The following ERC2 variants were observed in gnomAD, a reference collection of about 807,000 sequenced individuals.
ERC2 encodes ELKS/RAB6-interacting/CAST family member 2, also known as ERC protein 2.
Under a neutral mutation model 114.8 loss-of-function variants are expected in ERC2, and 42 were observed. The ratio of observed to expected loss-of-function variants is 0.37; its 90% CI spans 0.29 to 0.47. The LOEUF (loss-of-function observed/expected upper bound fraction) is 0.47, where lower values mean the gene tolerates loss of function less well. Ranked by LOEUF, ERC2 falls within the 20% of genes least tolerant of loss-of-function variation. ERC2 has a pLI of 0.99. For missense variants in ERC2, 939 were observed against 1,150.7 expected, an observed-to-expected ratio of 0.82 and a Z score of 2.66; for synonymous variants, 454 against 425.5, an observed-to-expected ratio of 1.07 and a Z score of -0.82.
intron 17 of ERC2, among the ~76,000 whole-genome samples, chr3:55,606,437 G>A (rs1019559458): frequency 1.3e-5 from 2 of 149,466 alleles, no homozygotes; most frequent in African/African-American, 5.0e-5. Flanking sequence ...ATAGGCCTTG[G>A]AAAGCAAATA....
chr3:56,380,017 G>A (rs927298625), intron 2 of ERC2, among the ~76,000 whole-genome samples: 2 of 152,112 alleles, frequency 1.3e-5, no homozygotes, highest in Admixed American at 6.5e-5. Flanking sequence ...ATTGCAGGAT[G>A]TTGAACAGCA....
intron 3 of ERC2, among the ~76,000 whole-genome samples, chr3:56,241,038 A>C (rs2051288294): frequency 6.6e-6 from 1 of 152,038 alleles, no homozygotes; most frequent in Non-Finnish European, 1.5e-5. Flanking sequence ...ACATATACCC[A>C]TTGTTTAGCT....
Position 56,130,987 on chromosome 3 carries a change from A to G in ERC2, c.1473+8522T>C, listed in dbSNP as rs539186156. ...TAAAAAGAGAATCAAAACAAAGCCTACAGACATTAGGGGAGGGGAAAGTGT... is the reference window on the plus strand; with the variant it reads ...TAAAAAGAGAATCAAAACAAAGCCTGCAGACATTAGGGGAGGGGAAAGTGT... On this transcript the variant is annotated intron_variant, in intron 6 of 17. Coordinates refer to ENST00000288221, the MANE Select transcript of ERC2 (RefSeq NM_015576.3). Among the ~76,000 whole-genome samples the G allele has an allele frequency of 2.0e-5, 3 of 152,290 alleles. No individual in the cohort carries two copies. The South Asian group carries it at 6.2e-4, about 32-fold the overall frequency.
chr3:55,953,368 G>A (rs1486640314), intron 12 of ERC2, among the ~76,000 whole-genome samples: 1 of 152,098 alleles, frequency 6.6e-6, no homozygotes, highest in African/African-American at 2.4e-5. Context: ...TTAGGATTTG[G>A]GCCAATTAGA....
intron 8 of ERC2, among the ~76,000 whole-genome samples, chr3:56,011,970 A>G (rs2072976741): frequency 6.6e-6 from 1 of 152,194 alleles, no homozygotes; most frequent in Non-Finnish European, 1.5e-5. Flanking sequence ...CGGAGGAGGT[A>G]CCATTACTAT....
chr3:56,450,677 A>C (rs1378775866), intron 1 of ERC2, among the ~76,000 whole-genome samples: 1 of 152,076 alleles, frequency 6.6e-6, no homozygotes, highest in African/African-American at 2.4e-5. Context: ...AAATTCAAAA[A>C]TAAATTAGTC....
intron 2 of ERC2, among the ~76,000 whole-genome samples, chr3:56,387,137 T>C (rs2059961402): frequency 6.6e-6 from 1 of 152,234 alleles, no homozygotes; most frequent in African/African-American, 2.4e-5. Context: ...TGTATTAAAC[T>C]ATGTTCAAAT....
intron 6 of ERC2, among the ~76,000 whole-genome samples, chr3:56,107,442 G>C (rs1242930236): frequency 6.6e-6 from 1 of 151,942 alleles, no homozygotes; most frequent in Non-Finnish European, 1.5e-5. Context: ...CCCAGTCTCA[G>C]TTTTCCCAGG....
rs749739992 is a variant in ERC2 at position 55,734,798 on chromosome 3, G to A, written c.2685C>T (p.Asp895=). The A allele has an allele frequency of 1.2e-6, 2 of 1,612,982 alleles. No homozygotes were observed. Among genetic ancestry groups the A allele is most frequent in the Non-Finnish European group, 1.7e-6 (2 of 1,179,436 alleles). The change falls in exon 15 of 18, where the codon GAC becomes GAT. Residue 895 remains aspartate (D), a synonymous_variant. Coordinates refer to ENST00000288221, the MANE Select transcript of ERC2 (RefSeq NM_015576.3). ...EEVMALKREK[D]RLVHQLKQQT... ...GCTGCTTTAATTGATGTACTAGTCG[G>A]TCTTTTTCCCGCTTGAGGGCCATGA... is the stretch of plus-strand genomic sequence containing the variant.
At chr3:55,601,366 C>A (rs189964606) in intron 17 of ERC2, among the ~76,000 whole-genome samples, 1 of 152,274 alleles carries the variant, frequency 6.6e-6, no homozygotes, top group East Asian at 1.9e-4. Flanking sequence ...CAAAAAAGTC[C>A]TCCTCAGAAA....
At chr3:55,790,834 A>G (rs2069948197) in intron 14 of ERC2, among the ~76,000 whole-genome samples, 1 of 152,252 alleles carries the variant, frequency 6.6e-6, no homozygotes, top group Non-Finnish European at 1.5e-5. Flanking sequence ...AATGGTAAAC[A>G]TTCAAGGAAC....
chr3:55,910,418 AC>A (rs1408529249), intron 13 of ERC2, among the ~76,000 whole-genome samples: 13 of 152,070 alleles, frequency 8.5e-5, no homozygotes, highest in African/African-American at 2.4e-4. Context: ...AACAAAAAAA[AC>A]AAAACAAAAC....
chr3:56,317,728 T>A (rs527955628), intron 2 of ERC2, among the ~76,000 whole-genome samples: 3 of 152,222 alleles, frequency 2.0e-5, no homozygotes, highest in African/African-American at 7.2e-5. Context: ...GAAGTTAGAC[T>A]AATAAGAGGA....
intron 7 of ERC2, among the ~76,000 whole-genome samples, chr3:56,033,030 CAGAAAGAAAGAA>C (rs71099612): frequency 0.036 from 2,371 of 65,362 alleles, 173 homozygotes; most frequent in Admixed American, 0.063. Flanking sequence ...AAAAAAGAAA[CAGAAAGAAAGAA>C]AGAAAGAAAG....
At chr3:56,120,455 G>T (rs1447183200) in intron 6 of ERC2, among the ~76,000 whole-genome samples, 1 of 152,186 alleles carries the variant, frequency 6.6e-6, no homozygotes, top group Non-Finnish European at 1.5e-5. Flanking sequence ...CCAAAGAAAA[G>T]AAGAAAGGAA....
chr3:55,613,907 C>G (rs1007605263), intron 17 of ERC2, among the ~76,000 whole-genome samples: 1 of 135,966 alleles, frequency 7.4e-6, no homozygotes, highest in African/African-American at 2.8e-5. Context: ...TGCTTGAACT[C>G]AGGAGGCAGA....
At chr3:55,565,528 A>G (rs1172749666) in intron 17 of ERC2, among the ~76,000 whole-genome samples, 1 of 152,004 alleles carries the variant, frequency 6.6e-6, no homozygotes, top group African/African-American at 2.4e-5. Flanking sequence ...TCCCTCTAAT[A>G]TATCAGCATG....
chr3:56,150,164 CT>C (rs2081345861), intron 4 of ERC2, among the ~76,000 whole-genome samples: 2 of 152,102 alleles, frequency 1.3e-5, no homozygotes, highest in Admixed American at 1.3e-4. Context: ...AATCTATCAA[CT>C]TTTTTAACCA....
chr3:56,198,273 A>C (rs1166282762), intron 3 of ERC2, among the ~76,000 whole-genome samples: 1 of 152,198 alleles, frequency 6.6e-6, no homozygotes, highest in Admixed American at 6.5e-5. Context: ...CCTGTGCATA[A>C]GTTAGTTCAA....
Sources: allele counts gnomAD v4.1 joint callset (sites outside exome capture counted in the v4.1 genomes callset), GRCh38; gene constraint gnomAD v4.1.1; transcripts MANE v1.5; gene names NCBI Gene and HGNC (gene_info 2026-07-23, HGNC 2026-07-21).